Variants in ANK2 observed in about 807,000 individuals in gnomAD.
ANK2 encodes the protein ankyrin-2.
In ANK2, 83 loss-of-function variants were observed where a neutral mutation model predicts 360.5. The ratio of observed to expected loss-of-function variants is 0.23; its 90% CI spans 0.19 to 0.28. The LOEUF (loss-of-function observed/expected upper bound fraction) is 0.28, where lower values mean the gene tolerates loss of function less well. Among genes scored for constraint, ANK2 ranks in the 10% least tolerant of loss-of-function variants. The probability of loss-of-function intolerance (pLI) is 1.00; values close to 1 mark genes in which losing one functional copy is unlikely to be tolerated. For missense variants in ANK2, 4,201 were observed against 4,795.7 expected, an observed-to-expected ratio of 0.88 and a Z score of 3.66; for synonymous variants, 1,740 against 1,759.5, an observed-to-expected ratio of 0.99 and a Z score of 0.28.
intron 4 of ANK2, among the ~76,000 whole-genome samples, chr4:113,212,505 C>A (rs1289654049): frequency 6.6e-6 from 1 of 152,106 alleles, no homozygotes; most frequent in East Asian, 1.9e-4. Context: ...TTTAAAATGG[C>A]CAGCGATCTC....
At chr4:113,093,731 G>C (rs1562007024) in intron 1 of ANK2, among the ~76,000 whole-genome samples, 1 of 152,150 alleles carries the variant, frequency 6.6e-6, no homozygotes, top group East Asian at 1.9e-4. Flanking sequence ...TCCTCTTTAT[G>C]TCATATGTTC....
At chr4:113,255,577 C>A (rs186160478) in intron 10 of ANK2, among the ~76,000 whole-genome samples, 158 bp from the exon 11 acceptor site, 1 of 151,774 alleles carries the variant, frequency 6.6e-6, no homozygotes, top group African/African-American at 2.4e-5. Flanking sequence ...TTCATCTCTG[C>A]GAAATATAGT....
At chr4:113,370,752 T>C (rs958225780) in intron 43 of ANK2, among the ~76,000 whole-genome samples, 3 of 152,128 alleles carry the variant, frequency 2.0e-5, no homozygotes, top group African/African-American at 7.2e-5. Context: ...AGAGCAAGAC[T>C]GTCTCAAAAA....
chr4:113,265,288 C>T lies in ANK2; in HGVS notation c.1485+293C>T, dbSNP rs529926354. 2.4e-3 allele frequency among the ~76,000 whole-genome samples: 373 copies of T among 152,270 alleles called. 2 individuals are homozygous for T. Among genetic ancestry groups the T allele is most frequent in the Non-Finnish European group, 4.4e-3 (300 of 68,026 alleles). ...CTGTTTTAACCTCGGAAAGCACTTT[C>T]TCATATCTCTTTATTTTCATGAATT... On this transcript the variant is annotated intron_variant, in intron 14 of 45. Transcript: ENST00000357077.
chr4:112,972,466 T>C (rs143175410), intron 2 of ANK2, among the ~76,000 whole-genome samples: 1 of 152,268 alleles, frequency 6.6e-6, no homozygotes, highest in African/African-American at 2.4e-5. Flanking sequence ...TACGTTTGGA[T>C]GTCAGGTAGA....
intron 23 of ANK2, among the ~76,000 whole-genome samples, chr4:113,303,522 G>A (rs1184736872): frequency 6.6e-6 from 1 of 152,148 alleles, no homozygotes; most frequent in Non-Finnish European, 1.5e-5. Context: ...TGTGACATTG[G>A]GCTAGAGCTG....
rs979222562 is a variant in ANK2, at chr4:113,367,475, AT to A, written c.11033-83del. On this transcript the variant is annotated intron_variant, in intron 41 of 45. Coordinates refer to ENST00000357077, the MANE Select transcript of ANK2 (RefSeq NM_001148.6). Reference sequence around the variant, plus strand: ...CAGGATGTAGCACATTTATCTTCTTATTTTTTTTATCCTCTTATATTTATTA... The same window carrying A: ...CAGGATGTAGCACATTTATCTTCTTATTTTTTTATCCTCTTATATTTATTA... The A allele has an allele frequency of 2.6e-4, 325 of 1,250,516 alleles. 2 individuals carry two copies. The highest frequency in any genetic ancestry group is 1.3e-3 in the African/African-American group (88 of 65,952). 77.5% of individuals were successfully genotyped at this position (1,250,516 alleles called of 1,614,324 possible). A position where few individuals can be genotyped will look rare whatever the true frequency, so the allele number is the denominator to read the frequency against.
chr4:112,958,731 A>G (rs529303469), intron 2 of ANK2, among the ~76,000 whole-genome samples: 1 of 152,120 alleles, frequency 6.6e-6, no homozygotes, highest in Non-Finnish European at 1.5e-5. Context: ...CCTGAATACC[A>G]TGTTATGATG....
the ANK2 span, among the ~76,000 whole-genome samples, chr4:112,725,964 T>C: frequency 2.0e-5 from 3 of 152,142 alleles, no homozygotes; most frequent in African/African-American, 7.2e-5. Context: ...AGAAGGATTA[T>C]GAAGAAGATA....
intron 29 of ANK2, among the ~76,000 whole-genome samples, chr4:113,335,136 TG>T (rs1235846198): frequency 6.6e-6 from 1 of 152,022 alleles, no homozygotes; most frequent in Non-Finnish European, 1.5e-5. Context: ...TGATTTTTTT[TG>T]TATTGCCCTG....
At chr4:113,350,501 G>A (rs1358595918) in intron 37 of ANK2, 1 of 413,490 alleles carries the variant, frequency 2.4e-6, no homozygotes, top group East Asian at 4.2e-5. Context: ...TGACATTCTT[G>A]TTAACCCTGG....
intron 2 of ANK2, chr4:113,034,649 C>G (rs1370268865): frequency 6.6e-6 from 1 of 152,000 alleles, no homozygotes; most frequent in Non-Finnish European, 1.5e-5. Context: ...TATTGACAAT[C>G]TTTCTGGGAA....
chr4:112,729,801 T>G, the ANK2 span, among the ~76,000 whole-genome samples: 1 of 150,478 alleles, frequency 6.6e-6, no homozygotes, highest in African/African-American at 2.4e-5. Flanking sequence ...CTGGTATATA[T>G]GCACAACTAC....
At chr4:112,827,752 G>A (rs1260312130) in intron 1 of ANK2, 2 of 463,352 alleles carry the variant, frequency 4.3e-6, no homozygotes, top group Non-Finnish European at 7.7e-6. Flanking sequence ...TCATGCTCGT[G>A]GATAGGAAGA....
At chr4:112,712,686 C>T in the ANK2 span, among the ~76,000 whole-genome samples, 2 of 151,952 alleles carry the variant, frequency 1.3e-5, no homozygotes, top group Non-Finnish European at 2.9e-5. Flanking sequence ...GGATTACAGG[C>T]ATGAGCCACT....
the ANK2 span, among the ~76,000 whole-genome samples, chr4:112,807,378 A>G: frequency 6.6e-6 from 1 of 152,232 alleles, no homozygotes; most frequent in African/African-American, 2.4e-5. Flanking sequence ...ACAGAAGTGC[A>G]TTTAAGTCTC....
intron 1 of ANK2, among the ~76,000 whole-genome samples, chr4:112,821,932 T>G (rs2057172357): frequency 6.6e-6 from 1 of 152,006 alleles, no homozygotes; most frequent in South Asian, 2.1e-4. Context: ...CACGCCCAGC[T>G]AACTTTTGTA....
intron 34 of ANK2, among the ~76,000 whole-genome samples, chr4:113,345,385 G>A (rs1274928612): frequency 2.0e-5 from 3 of 152,112 alleles, no homozygotes. Flanking sequence ...TTGTGAATGT[G>A]CTTAATGCCA....
intron 1 of ANK2, among the ~76,000 whole-genome samples, chr4:113,159,972 C>G (rs1294356506): frequency 6.6e-6 from 1 of 152,106 alleles, no homozygotes; most frequent in Non-Finnish European, 1.5e-5. Context: ...TAGTTAATAT[C>G]AGCAAGAATC....
Sources: allele counts gnomAD v4.1 joint callset (sites outside exome capture counted in the v4.1 genomes callset), GRCh38; gene constraint gnomAD v4.1.1; transcripts MANE v1.5; gene names NCBI Gene and HGNC (gene_info 2026-07-23, HGNC 2026-07-21).